The following RNF150 variants were observed in gnomAD, a reference collection of about 807,000 sequenced individuals.
RNF150 encodes ring finger protein 150.
Under a neutral mutation model 39.3 loss-of-function variants are expected in RNF150, and 24 were observed. The ratio of observed to expected loss-of-function variants is 0.61; its 90% confidence interval spans 0.44 to 0.86. The LOEUF is 0.86. Ranked by LOEUF, RNF150 falls within the 40% of genes least tolerant of loss-of-function variation. RNF150 has a pLI of 0.00. For missense variants in RNF150, 502 were observed against 587.8 expected (o/e 0.85, Z 1.51); for synonymous variants, 255 against 227.3 (o/e 1.12, Z -1.10).
intron 1 of RNF150, among the ~76,000 whole-genome samples, chr4:141,016,962 A>C (rs2110770213): frequency 6.6e-6 from 1 of 152,288 alleles, no homozygotes; most frequent in Middle Eastern, 3.4e-3. Flanking sequence ...CTTTCCCTGG[A>C]GGTCACAAAA....
Position 140,867,498 on chromosome 4 carries a change from C to T in RNF150, c.*763G>A, listed in dbSNP as rs72720401. 6,301 of 152,230 alleles carry T rather than the reference C, an allele frequency of 0.041. 153 individuals carry two copies. Among genetic ancestry groups the T allele is most frequent in the African/African-American group, 0.065 (2,696 of 41,518 alleles). The allele number at this position is 152,230 out of a possible 1,614,324, so 9.4% of individuals were successfully genotyped here. ...AGAATGAAACGGCTTCCCTAGAGCT[C>T]CCTTCTCATGTCACGTGGGCCCTTA... On this transcript the variant is annotated 3_prime_UTR_variant, in exon 7 of 7. Coordinates refer to ENST00000515673, the MANE Select transcript of RNF150 (RefSeq NM_020724.2).
chr4:141,078,846 C>T (rs771191742), intron 1 of RNF150, among the ~76,000 whole-genome samples: 17 of 141,342 alleles, frequency 1.2e-4, no homozygotes, highest in African/African-American at 4.6e-4. Context: ...CACACACACA[C>T]ACATACATAC....
chr4:140,953,516 T>C (rs1291498660), intron 2 of RNF150, among the ~76,000 whole-genome samples: 1 of 27,138 alleles, frequency 3.7e-5, no homozygotes, highest in Non-Finnish European at 7.2e-5. Context: ...GACCATGTAA[T>C]AAAAGATTTT....
At chr4:141,073,666 G>T (rs377434026) in intron 1 of RNF150, among the ~76,000 whole-genome samples, 12 of 151,326 alleles carry the variant, frequency 7.9e-5, no homozygotes, top group African/African-American at 7.3e-5. Context: ...TCAAGCTCGG[G>T]GGGGGAAGTC....
intron 6 of RNF150, among the ~76,000 whole-genome samples, chr4:140,884,688 GT>G (rs1343343072): frequency 6.6e-6 from 1 of 151,672 alleles, no homozygotes. Context: ...CATCACTTTT[GT>G]TTTTTTTGGC....
At chr4:141,015,524 G>A (rs1368524649) in intron 1 of RNF150, among the ~76,000 whole-genome samples, 1 of 152,018 alleles carries the variant, frequency 6.6e-6, no homozygotes, top group Non-Finnish European at 1.5e-5. Flanking sequence ...TTGTAAATGG[G>A]ATTATTTTCT....
intron 2 of RNF150, among the ~76,000 whole-genome samples, chr4:140,959,394 C>CTG (rs1035351522): frequency 6.6e-6 from 1 of 152,032 alleles, no homozygotes; most frequent in Non-Finnish European, 1.5e-5. Context: ...CCTAAATGTG[C>CTG]TGTGTGTGCT....
At chr4:141,053,567 G>T (rs1370159628) in intron 1 of RNF150, 1 of 506,616 alleles carries the variant, frequency 2.0e-6, no homozygotes, top group Non-Finnish European at 3.2e-6. Context: ...TTTAAATTGG[G>T]AGATATAATG....
At chr4:140,891,624 T>C (rs927301699) in intron 6 of RNF150, among the ~76,000 whole-genome samples, 1 of 152,232 alleles carries the variant, frequency 6.6e-6, no homozygotes, top group Non-Finnish European at 1.5e-5. Context: ...ACCAGGACAC[T>C]GCCCCCTATC....
At chr4:140,976,761 C>T (rs1372261360) in intron 1 of RNF150, among the ~76,000 whole-genome samples, 2 of 152,070 alleles carry the variant, frequency 1.3e-5, no homozygotes, top group East Asian at 3.9e-4. Context: ...CTCCCCTGCA[C>T]TTCTATTTCT....
intron 1 of RNF150, among the ~76,000 whole-genome samples, chr4:141,038,824 C>A (rs1736246729): frequency 6.6e-6 from 1 of 152,150 alleles, no homozygotes; most frequent in Non-Finnish European, 1.5e-5. Context: ...GTTACCTTTA[C>A]TCACCACAGG....
intron 6 of RNF150, among the ~76,000 whole-genome samples, chr4:140,907,681 G>GTTAAT (rs777990769): frequency 3.3e-5 from 5 of 152,218 alleles, no homozygotes; most frequent in Non-Finnish European, 7.3e-5. Flanking sequence ...AGGCAACTGT[G>GTTAAT]TTAATTTTTC....
chr4:141,132,633 G>A lies in RNF150; in HGVS notation c.176C>T (p.Ala59Val). The A allele has an allele frequency of 6.3e-7, 1 of 1,576,992 alleles. No individual in the cohort carries two copies. The highest frequency in any genetic ancestry group is 8.6e-7 in the Non-Finnish European group (1 of 1,166,262). ...CAGCTCCGCGCCGCCGCCGCCCGCCGCCCCGGCCCCGGGGTCCGGCGCGGG... is the reference window on the plus strand; with the variant it reads ...CAGCTCCGCGCCGCCGCCGCCCGCCACCCCGGCCCCGGGGTCCGGCGCGGG... Reference protein sequence around the residue: ...AEPAPDPGAGAAGGGGAELHT... With the variant: ...AEPAPDPGAGVAGGGGAELHT... Residue 59 changes from alanine to valine, a missense_variant, in exon 1 of 7, where the codon GCG becomes GTG. Ala to Val is a moderately conservative substitution (Grantham distance 64). Transcript: ENST00000515673. This position sits in a 1 kb window ranked among gnomAD's most constrained non-coding sequence, Gnocchi z 4.9.
intron 1 of RNF150, among the ~76,000 whole-genome samples, chr4:140,988,428 C>T (rs115899912): frequency 2.5e-3 from 385 of 151,994 alleles, no homozygotes; most frequent in African/African-American, 8.1e-3. Context: ...TTGAAAAGAA[C>T]GAAATCATGT....
chr4:140,915,018 C>T (rs1347198313), intron 5 of RNF150, among the ~76,000 whole-genome samples: 1 of 152,150 alleles, frequency 6.6e-6, no homozygotes, highest in Non-Finnish European at 1.5e-5. Context: ...ATCAGGATTA[C>T]AGCCAAGTTG....
chr4:141,126,671 C>G (rs1395223306), intron 1 of RNF150, among the ~76,000 whole-genome samples: 5 of 152,168 alleles, frequency 3.3e-5, no homozygotes, highest in Non-Finnish European at 7.4e-5. Context: ...GTACTCTTTC[C>G]ACTGGGAAAT....
chr4:141,012,157 G>T (rs532366764), intron 1 of RNF150, among the ~76,000 whole-genome samples: 1 of 152,202 alleles, frequency 6.6e-6, no homozygotes, highest in South Asian at 2.1e-4. Flanking sequence ...CATAACACAG[G>T]GCCCTACAAA....
intron 1 of RNF150, among the ~76,000 whole-genome samples, chr4:141,096,322 G>A (rs1738781967): frequency 6.7e-6 from 1 of 148,952 alleles, no homozygotes; most frequent in Non-Finnish European, 1.5e-5. Flanking sequence ...TCAGGCTCCT[G>A]AGTAGCTAGG....
At position 141,122,955 on chromosome 4, in the gene RNF150, C is replaced by T. The variant is rs145281735; in HGVS notation, c.484+9370G>A. Among the ~76,000 whole-genome samples the T allele has an allele frequency of 8.3e-4, 127 of 152,282 alleles. 3 individuals carry two copies. In the East Asian group the frequency reaches 0.015, roughly 19 times the overall value. ...TATTTGGTTACAAACCTTTTTGACA[C>T]TCTATGTCCTTCTGCTCATTACTAG... On this transcript the variant is annotated intron_variant, in intron 1 of 6. Coordinates refer to ENST00000515673, the MANE Select transcript of RNF150 (RefSeq NM_020724.2).
Sources: allele counts gnomAD v4.1 joint callset (sites outside exome capture counted in the v4.1 genomes callset), GRCh38; gene constraint gnomAD v4.1.1; non-coding constraint Gnocchi (gnomAD v3.1); transcripts MANE v1.5; gene names NCBI Gene and HGNC (gene_info 2026-07-23, HGNC 2026-07-21).